Variants in GPR161 observed in about 807,000 individuals in gnomAD.
GPR161 encodes the protein G protein-coupled receptor 161.
GPR161 carries 25 observed loss-of-function variants against 39.2 expected under a neutral mutation model. The ratio of observed to expected loss-of-function variants is 0.64; its 90% CI spans 0.47 to 0.89. The LOEUF is 0.89. GPR161 is among the 40% of genes least tolerant of loss of function. The pLI is 0.00. For synonymous variants in GPR161, 286 were observed against 276.6 expected (o/e 1.03, Z -0.34); for missense variants, 547 against 677.8 (o/e 0.81, Z 2.14).
chr1:168,126,508 G>A (rs111433458), intron 1 of GPR161, among the ~76,000 whole-genome samples: 9 of 152,226 alleles, frequency 5.9e-5, no homozygotes, highest in African/African-American at 2.2e-4. Flanking sequence ...CTGGAGTGCA[G>A]TGGCGTGATC....
At chr1:168,094,598 TTA>T (rs1364377925) in intron 3 of GPR161, among the ~76,000 whole-genome samples, 1 of 152,226 alleles carries the variant, frequency 6.6e-6, no homozygotes, top group Admixed American at 6.5e-5. Context: ...GTGTGCATAA[TTA>T]GAGTCATTTC....
rs1357264939 is a variant in GPR161, at chr1:168,136,766, G to A, written c.-72C>T. On this transcript the variant is annotated 5_prime_UTR_variant, in exon 1 of 6. Coordinates refer to ENST00000682931, the MANE Select transcript of GPR161 (RefSeq NM_001375883.1). ...AGGAGCGGCCGCCGCGGCAGCTCAGGCCCCGGCCCAGCCGCCTCCCCGCCT... is the reference window on the plus strand; with the variant it reads ...AGGAGCGGCCGCCGCGGCAGCTCAGACCCCGGCCCAGCCGCCTCCCCGCCT... 435 of 990,432 alleles carry A rather than the reference G, an allele frequency of 4.4e-4. No homozygotes were observed. The highest frequency in any genetic ancestry group is 5.1e-4 in the Non-Finnish European group (425 of 833,924). The allele number at this position is 990,432 out of a possible 1,614,324, so 61.4% of individuals were successfully genotyped here.
At position 168,097,158 on chromosome 1, in the gene GPR161, T is replaced by C; in HGVS notation, c.449A>G (p.Tyr150Cys). Residue 150 changes from tyrosine (Y) to cysteine (C), a missense_variant, in exon 3 of 6, where the codon TAC (tyrosine) becomes TGC (cysteine). By Grantham distance (194) the Tyr-to-Cys change is radical (BLOSUM62 -2). Transcript: ENST00000682931. ...TGNRAVMALVYIWLHSLIGCL... is the reference protein window; with the variant it reads ...TGNRAVMALVCIWLHSLIGCL... ...GCCGATGAGCGAGTGAAGCCAGATG[T>C]AGACAAGTGCCATCACAGCCCGGTT... 3.1e-6 allele frequency: 5 copies of C among 1,613,928 alleles called. No homozygotes were observed. Among genetic ancestry groups the C allele is most frequent in the Non-Finnish European group, 8.5e-7 (1 of 1,180,000 alleles).
chr1:168,096,812 C>A lies in GPR161; in HGVS notation c.795G>T (p.Gln265His). The change falls in exon 3 of 6, where the codon CAG becomes CAT. Residue 265 changes from glutamine (Q) to histidine (H), a missense_variant. Gln to His is a conservative substitution (Grantham distance 24, BLOSUM62 0). Coordinates refer to ENST00000682931, the MANE Select transcript of GPR161 (RefSeq NM_001375883.1). ...CCAGGATGGTGATGAGGGCTTTGCA[C>A]TGGTTGGCCGAGTAGACCACACCCT... ...AFQGVVYSAN[Q>H]CKALITILVV... 1.2e-6 allele frequency: 2 copies of A among 1,614,160 alleles called. No homozygotes were observed. The highest frequency in any genetic ancestry group is 1.7e-6 in the Non-Finnish European group (2 of 1,180,032).
intron 1 of GPR161, among the ~76,000 whole-genome samples, chr1:168,120,701 C>T (rs1033483076): frequency 6.6e-6 from 1 of 152,112 alleles, no homozygotes; most frequent in East Asian, 1.9e-4. Context: ...GGCGATTTCC[C>T]TCATGCTGTT....
intron 1 of GPR161, among the ~76,000 whole-genome samples, chr1:168,120,289 G>A: frequency 6.6e-6 from 1 of 152,178 alleles, no homozygotes; most frequent in East Asian, 1.9e-4. Flanking sequence ...TTTAATGACT[G>A]CCCAGCTGGG....
intron 4 of GPR161, among the ~76,000 whole-genome samples, chr1:168,089,805 G>C (rs1036396300): frequency 5.8e-4 from 88 of 152,220 alleles, no homozygotes; most frequent in African/African-American, 2.1e-3. Flanking sequence ...TCCAGCACAG[G>C]ATACAGCATC....
intron 2 of GPR161, among the ~76,000 whole-genome samples, chr1:168,100,307 G>A (rs1267866002): frequency 1.3e-5 from 2 of 150,868 alleles, no homozygotes; most frequent in African/African-American, 4.9e-5. Context: ...TTATAAAGTC[G>A]TTATTTGCAG....
intron 3 of GPR161, among the ~76,000 whole-genome samples, chr1:168,091,743 CAG>C (rs1695086204): frequency 6.6e-6 from 1 of 151,982 alleles, no homozygotes; most frequent in African/African-American, 2.4e-5. Context: ...GGGTCATCCT[CAG>C]AATGTTAGGA....
At chr1:168,128,048 C>T (rs1225243277) in intron 1 of GPR161, among the ~76,000 whole-genome samples, 2 of 152,152 alleles carry the variant, frequency 1.3e-5, no homozygotes, top group Non-Finnish European at 2.9e-5. Context: ...GTTGTGGGCA[C>T]CCAGGTAAGC....
chr1:168,089,607 A>G (rs1373797142), intron 4 of GPR161: 2 of 152,420 alleles, frequency 1.3e-5, no homozygotes, highest in African/African-American at 4.8e-5. Flanking sequence ...ACTGCCAGGC[A>G]TGCGGCTTTG....
chr1:168,107,515 T>TG (rs961290910), intron 1 of GPR161, among the ~76,000 whole-genome samples: 8 of 152,192 alleles, frequency 5.3e-5, no homozygotes, highest in African/African-American at 1.9e-4. Context: ...CTGTGCCACC[T>TG]GGGGATTCTA....
chr1:168,133,804 G>T, intron 1 of GPR161: 4 of 324,530 alleles, frequency 1.2e-5, no homozygotes, highest in Non-Finnish European at 1.8e-5. Flanking sequence ...ATTCAGGTTG[G>T]TCCTAAAGTG....
chr1:168,101,136 ATTTTTATTATACT>A (rs1184223781), intron 2 of GPR161, among the ~76,000 whole-genome samples: 1 of 132,480 alleles, frequency 7.5e-6, no homozygotes, highest in Admixed American at 7.4e-5. Context: ...TTTAAATTTT[ATTTTTATTATACT>A]TTAAGTTTTA....
At chr1:168,133,941 C>T (rs1699177129) in intron 1 of GPR161, 2 of 911,022 alleles carry the variant, frequency 2.2e-6, no homozygotes, top group Non-Finnish European at 2.6e-6. Context: ...CAGACATTTA[C>T]AGTGGTTATC....
At chr1:168,120,482 CT>C (rs1161048070) in intron 1 of GPR161, among the ~76,000 whole-genome samples, 2 of 152,086 alleles carry the variant, frequency 1.3e-5, no homozygotes, top group Admixed American at 6.5e-5. Context: ...TGGACTTGGA[CT>C]TTTTGGTTAA....
chr1:168,135,899 C>T, intron 1 of GPR161: 1 of 432,172 alleles, frequency 2.3e-6, no homozygotes, highest in Non-Finnish European at 3.3e-6. Flanking sequence ...GATGAAAGTA[C>T]AATAACAAGC....
intron 4 of GPR161, 194 bp from the exon 5 acceptor site, chr1:168,087,898 C>A: frequency 1.9e-6 from 1 of 531,088 alleles, no homozygotes; most frequent in South Asian, 2.6e-5. Context: ...TGCAGACAGC[C>A]GGTGGGGCTG....
At chr1:168,118,217 G>T (rs1035976614) in intron 1 of GPR161, among the ~76,000 whole-genome samples, 11 of 152,184 alleles carry the variant, frequency 7.2e-5, no homozygotes, top group Admixed American at 6.5e-4. Context: ...CAGATCGGGT[G>T]AAAATATTCG....
Sources: allele counts gnomAD v4.1 joint callset (sites outside exome capture counted in the v4.1 genomes callset), GRCh38; gene constraint gnomAD v4.1.1; transcripts MANE v1.5; gene names NCBI Gene and HGNC (gene_info 2026-07-23, HGNC 2026-07-21).